Variants in CHST8 observed in about 807,000 individuals in gnomAD.
CHST8 encodes carbohydrate sulfotransferase 8.
CHST8 carries 10 observed loss-of-function variants against 15.0 expected under a neutral mutation model. The observed-to-expected ratio is 0.67, with a 90% CI of 0.41 to 1.13. The LOEUF (loss-of-function observed/expected upper bound fraction) is 1.13, where lower values mean the gene tolerates loss of function less well. Ranked by LOEUF, CHST8 falls within the 50% of genes most tolerant of loss-of-function variation. The pLI is 0.00. For missense variants in CHST8, 634 were observed against 608.2 expected, an observed-to-expected ratio of 1.04 and a Z score of -0.45; for synonymous variants, 259 against 256.6, an observed-to-expected ratio of 1.01 and a Z score of -0.09.
chr19:33,711,606 A>C (rs1040583569), intron 3 of CHST8, among the ~76,000 whole-genome samples: 2 of 152,208 alleles, frequency 1.3e-5, no homozygotes, highest in Non-Finnish European at 2.9e-5. Flanking sequence ...TAAGGAAATA[A>C]ATTGTAGGAA....
chr19:33,627,222 T>A (rs951505533), intron 1 of CHST8, among the ~76,000 whole-genome samples: 2 of 151,098 alleles, frequency 1.3e-5, no homozygotes, highest in Admixed American at 6.6e-5. Context: ...CACCTCAGCC[T>A]CCCAAGTAGC....
At chr19:33,657,318 G>C (rs570421522) in intron 1 of CHST8, among the ~76,000 whole-genome samples, 75 of 150,568 alleles carry the variant, frequency 5.0e-4, no homozygotes, top group African/African-American at 1.6e-3. Context: ...GCCCAGGCTG[G>C]AGTGCAGTAG....
intron 3 of CHST8, among the ~76,000 whole-genome samples, chr19:33,759,591 C>A (rs935504173): frequency 6.6e-6 from 1 of 152,204 alleles, no homozygotes; most frequent in Non-Finnish European, 1.5e-5. Flanking sequence ...CCCACAGGCA[C>A]GTCTGCCCCC....
intron 1 of CHST8, among the ~76,000 whole-genome samples, chr19:33,638,101 T>C (rs964497038): frequency 1.3e-5 from 2 of 152,134 alleles, no homozygotes; most frequent in Non-Finnish European, 2.9e-5. Flanking sequence ...CCAAATATGC[T>C]GTCAGAGCCT....
intron 2 of CHST8, among the ~76,000 whole-genome samples, chr19:33,681,592 T>C (rs1972890803): frequency 6.6e-6 from 1 of 152,172 alleles, no homozygotes; most frequent in Non-Finnish European, 1.5e-5. Flanking sequence ...CTGGCATGCT[T>C]GAAAGTAACC....
intron 3 of CHST8, among the ~76,000 whole-genome samples, chr19:33,765,069 T>C (rs1039322677): frequency 1.4e-5 from 2 of 145,342 alleles, no homozygotes; most frequent in African/African-American, 5.4e-5. Context: ...TATATATATA[T>C]ATATCAGAGT....
intron 3 of CHST8, among the ~76,000 whole-genome samples, chr19:33,734,789 C>T (rs1018018005): frequency 6.6e-6 from 1 of 152,206 alleles, no homozygotes; most frequent in African/African-American, 2.4e-5. Context: ...GGAGCACTGA[C>T]TTCCCCCAGG....
intron 3 of CHST8, among the ~76,000 whole-genome samples, chr19:33,702,900 G>A (rs375123545): frequency 2.6e-5 from 4 of 152,228 alleles, no homozygotes; most frequent in South Asian, 2.1e-4. Context: ...GGACTGCTCC[G>A]AGGGCCAGGC....
At chr19:33,701,927 C>A (rs181042019) in intron 3 of CHST8, among the ~76,000 whole-genome samples, 1 of 152,152 alleles carries the variant, frequency 6.6e-6, no homozygotes, top group Non-Finnish European at 1.5e-5. Context: ...CTGTGCTCCC[C>A]CTTCTCTGTC....
intron 3 of CHST8, among the ~76,000 whole-genome samples, chr19:33,695,833 T>TCTTTC (rs1973207724): frequency 7.9e-6 from 1 of 125,980 alleles, no homozygotes; most frequent in African/African-American, 3.1e-5. Context: ...TTTTTTTTTT[T>TCTTTC]TTTTTTTTTG....
intron 3 of CHST8, among the ~76,000 whole-genome samples, chr19:33,692,720 T>C (rs1973122116): frequency 4.6e-5 from 7 of 152,184 alleles, no homozygotes; most frequent in Admixed American, 2.6e-4. Flanking sequence ...AAATTCCCAA[T>C]GTACTGGCTC....
chr19:33,730,583 G>A (rs1973976497), intron 3 of CHST8, among the ~76,000 whole-genome samples: 1 of 152,222 alleles, frequency 6.6e-6, no homozygotes, highest in African/African-American at 2.4e-5. Context: ...GACCCCAAGA[G>A]AGGGTTATTG....
chr19:33,744,119 C>T (rs1974262691), intron 3 of CHST8, among the ~76,000 whole-genome samples: 1 of 152,194 alleles, frequency 6.6e-6, no homozygotes, highest in African/African-American at 2.4e-5. Context: ...CCCCGCACAC[C>T]CTGCCCCAGC....
intron 3 of CHST8, among the ~76,000 whole-genome samples, chr19:33,694,354 A>C (rs995937525): frequency 2.6e-5 from 4 of 151,002 alleles, no homozygotes; most frequent in African/African-American, 9.8e-5. Context: ...CCTGGAGTCA[A>C]GGAGTTGTGG....
At chr19:33,737,612 C>T (rs1018539155) in intron 3 of CHST8, among the ~76,000 whole-genome samples, 7 of 152,220 alleles carry the variant, frequency 4.6e-5, no homozygotes, top group African/African-American at 1.7e-4. Context: ...CTGTGGGCAT[C>T]TGTTTGCGGA....
intron 1 of CHST8, among the ~76,000 whole-genome samples, chr19:33,659,898 A>G (rs982283228): frequency 2.0e-5 from 3 of 152,228 alleles, no homozygotes; most frequent in Non-Finnish European, 4.4e-5. Context: ...TTTGTTTTGT[A>G]GACTTGGAAG....
chr19:33,755,384 T>G (rs543612629), intron 3 of CHST8, among the ~76,000 whole-genome samples: 1 of 152,348 alleles, frequency 6.6e-6, no homozygotes, highest in Admixed American at 6.5e-5. Context: ...ATATTTTGTT[T>G]GGAGCTGTAA....
intron 1 of CHST8, among the ~76,000 whole-genome samples, chr19:33,657,240 C>CAT (rs754949011): frequency 7.7e-4 from 117 of 151,234 alleles, no homozygotes; most frequent in African/African-American, 1.4e-3. Context: ...CATACACACA[C>CAT]ATATATATAT....
rs34236738 is a variant in CHST8, at chr19:33,661,867, C to CAA, written c.-163-5881_-163-5880dup. On this transcript the variant is annotated intron_variant, in intron 1 of 4. Transcript: ENST00000650847. ...GCAACACAGGGAGATTTCATCTTTA[C>CAA]AAAAAAAAAAAAAAAAAAAATAGGC... Among the ~76,000 whole-genome samples the CAA allele has an allele frequency of 3.7e-3, 287 of 76,672 alleles. 3 individuals are homozygous for CAA. The highest frequency in any genetic ancestry group is 0.012 in the South Asian group (26 of 2,108). 50.3% of individuals were successfully genotyped at this position (76,672 alleles called of 152,430 possible).
Sources: allele counts gnomAD v4.1 joint callset (sites outside exome capture counted in the v4.1 genomes callset), GRCh38; gene constraint gnomAD v4.1.1; transcripts MANE v1.5; gene names NCBI Gene and HGNC (gene_info 2026-07-23, HGNC 2026-07-21).